The following SFXN1 variants were observed in gnomAD, a reference collection of about 807,000 sequenced individuals.
The protein encoded by SFXN1 is sideroflexin 1, also known as sideroflexin-1.
In SFXN1, 32 loss-of-function variants were observed where a neutral mutation model predicts 39.5. The observed-to-expected ratio is 0.81, with a 90% CI of 0.61 to 1.09. SFXN1 has a LOEUF of 1.09. Ranked by LOEUF, SFXN1 falls within the 50% of genes least tolerant of loss-of-function variation. The probability of loss-of-function intolerance (pLI) is 0.00; values close to 1 mark genes in which losing one functional copy is unlikely to be tolerated. For missense variants in SFXN1, 402 were observed against 407.1 expected, an observed-to-expected ratio of 0.99 and a Z score of 0.11; for synonymous variants, 136 against 146.5, an observed-to-expected ratio of 0.93 and a Z score of 0.52.
intron 6 of SFXN1, 138 bp from the exon 7 acceptor site, chr5:175,513,313 AAAAAAAAAAAAC>A: frequency 1.3e-6 from 1 of 747,008 alleles, no homozygotes; most frequent in Admixed American, 3.3e-5. Flanking sequence ...AAAAAAAAAA[AAAAAAAAAAAAC>A]AGATGTGTCA....
intron 7 of SFXN1, among the ~76,000 whole-genome samples, chr5:175,514,006 A>G (rs1403563798): frequency 6.6e-6 from 1 of 152,102 alleles, no homozygotes; most frequent in Admixed American, 6.5e-5. Flanking sequence ...CGTGGATGGC[A>G]GCCCTGGCGT....
chr5:175,478,926 CGCCGCGTCCCCGCGCGCCTG>C (rs959350306), intron 1 of SFXN1, among the ~76,000 whole-genome samples: 4 of 152,140 alleles, frequency 2.6e-5, no homozygotes, highest in African/African-American at 9.7e-5. Flanking sequence ...AAGGGCCCTC[CGCCGCGTCCCCGCGCGCCTG>C]GCCGCGCTGT....
chr5:175,486,979 A>G (rs188376250), intron 1 of SFXN1, among the ~76,000 whole-genome samples: 1 of 152,354 alleles, frequency 6.6e-6, no homozygotes, highest in Admixed American at 6.5e-5. Flanking sequence ...TGAGAATTAT[A>G]GTTAAAAGGG....
chr5:175,524,642 TAAACATCA>T (rs1761005893), intron 10 of SFXN1, among the ~76,000 whole-genome samples: 2 of 143,210 alleles, frequency 1.4e-5, no homozygotes, highest in Non-Finnish European at 3.1e-5. Context: ...CACAAAAGAA[TAAACATCA>T]GAAAAGAAGG....
intron 2 of SFXN1, among the ~76,000 whole-genome samples, chr5:175,505,600 T>A (rs1760263551): frequency 1.3e-5 from 2 of 150,970 alleles, no homozygotes; most frequent in Admixed American, 6.6e-5. Context: ...GAGAATAAAT[T>A]AGTATAAGGC....
At chr5:175,502,337 T>TG (rs1408665796) in intron 2 of SFXN1, among the ~76,000 whole-genome samples, 1 of 152,046 alleles carries the variant, frequency 6.6e-6, no homozygotes, top group Non-Finnish European at 1.5e-5. Flanking sequence ...AAGGGGGTCT[T>TG]GGGGGGTGTT....
chr5:175,511,606 T>C, intron 5 of SFXN1, 80 bp downstream of exon 5: 1 of 1,122,722 alleles, frequency 8.9e-7, no homozygotes, highest in South Asian at 1.3e-5. Context: ...TATTATTTCT[T>C]AAACTAGTTC....
chr5:175,497,963 TGTA>T (rs1393379639), intron 2 of SFXN1, among the ~76,000 whole-genome samples: 1 of 149,666 alleles, frequency 6.7e-6, no homozygotes, highest in African/African-American at 2.4e-5. Flanking sequence ...AAACCACAAT[TGTA>T]GTAGGAAATT....
intron 10 of SFXN1, among the ~76,000 whole-genome samples, chr5:175,526,419 A>G (rs1018635975): frequency 6.6e-6 from 1 of 152,142 alleles, no homozygotes; most frequent in Non-Finnish European, 1.5e-5. Context: ...TGAGAGGGAA[A>G]AGTTGGGTGT....
chr5:175,484,896 ATGTT>A (rs1759393164), intron 1 of SFXN1, among the ~76,000 whole-genome samples: 1 of 152,124 alleles, frequency 6.6e-6, no homozygotes, highest in Non-Finnish European at 1.5e-5. Context: ...ATAAGTTTTG[ATGTT>A]TGTTTGTTTT....
rs1400571125 is a variant in SFXN1 at position 175,526,832 on chromosome 5, C to T, written c.*98C>T. On this transcript the variant is annotated 3_prime_UTR_variant, in exon 11 of 11. Coordinates refer to ENST00000321442, the MANE Select transcript of SFXN1 (RefSeq NM_022754.7). Reference sequence around the variant, plus strand: ...TGTTCAACCTGGGTTCTCCCAGTTACGGAAACCTTTTAAAGATCCACATTA... The same window carrying T: ...TGTTCAACCTGGGTTCTCCCAGTTATGGAAACCTTTTAAAGATCCACATTA... 4.1e-6 allele frequency: 4 copies of T among 985,012 alleles called. No homozygotes were observed. Among genetic ancestry groups the T allele is most frequent in the East Asian group, 2.4e-5 (1 of 41,812 alleles). The allele number at this position is 985,012 out of a possible 1,614,324, so 61.0% of individuals were successfully genotyped here. A position where few individuals can be genotyped will look rare whatever the true frequency, so the allele number is the denominator to read the frequency against.
In SFXN1 at chr5:175,529,436, A is replaced by G. The variant is rs1292601237; in HGVS notation, c.*2702A>G. 2.6e-5 allele frequency: 4 copies of G among 151,996 alleles called. No individual in the cohort carries two copies. Among genetic ancestry groups the G allele is most frequent in the African/African-American group, 7.3e-5 (3 of 41,304 alleles). 9.4% of individuals were successfully genotyped at this position (151,996 alleles called of 1,614,324 possible). A position where few individuals can be genotyped will look rare whatever the true frequency, so the allele number is the denominator to read the frequency against. Reference sequence around the variant, plus strand: ...TGCTTCAGACTCTTAATGCTTTTATATAAAGCTATCAACTGTATGTTGATC... The same window carrying G: ...TGCTTCAGACTCTTAATGCTTTTATGTAAAGCTATCAACTGTATGTTGATC... On this transcript the variant is annotated 3_prime_UTR_variant, in exon 11 of 11. Transcript: ENST00000321442.
intron 2 of SFXN1, among the ~76,000 whole-genome samples, chr5:175,505,300 C>T (rs1028187545): frequency 2.0e-5 from 3 of 151,468 alleles, no homozygotes; most frequent in Non-Finnish European, 4.4e-5. Context: ...TTTGGGAGGC[C>T]GAGGCAGGGG....
At chr5:175,480,770 G>A (rs536126831) in intron 1 of SFXN1, among the ~76,000 whole-genome samples, 1 of 152,330 alleles carries the variant, frequency 6.6e-6, no homozygotes, top group East Asian at 1.9e-4. Flanking sequence ...TTGTTGTTCT[G>A]GAAGACTTAC....
chr5:175,485,437 A>G (rs1275061807), intron 1 of SFXN1, among the ~76,000 whole-genome samples: 3 of 151,840 alleles, frequency 2.0e-5, no homozygotes, highest in African/African-American at 4.8e-5. Context: ...CATCACTCCA[A>G]CCTCTGCTTG....
intron 2 of SFXN1, among the ~76,000 whole-genome samples, chr5:175,504,335 G>A (rs1028116439): frequency 1.3e-5 from 2 of 152,090 alleles, no homozygotes; most frequent in Non-Finnish European, 2.9e-5. Flanking sequence ...AGCACTTTGG[G>A]AGGCCAGGGC....
intron 2 of SFXN1, among the ~76,000 whole-genome samples, chr5:175,496,503 G>C (rs1231642221): frequency 2.0e-5 from 3 of 152,110 alleles, no homozygotes; most frequent in African/African-American, 7.2e-5. Context: ...ACATGATTTT[G>C]CTCCTTACTA....
chr5:175,497,326 G>T (rs1433222857), intron 2 of SFXN1, among the ~76,000 whole-genome samples: 1 of 152,210 alleles, frequency 6.6e-6, no homozygotes, highest in Non-Finnish European at 1.5e-5. Flanking sequence ...GGGCTAGTTA[G>T]GGTTGAAGAG....
chr5:175,514,452 A>G (rs1057261011), intron 7 of SFXN1, among the ~76,000 whole-genome samples: 59 of 152,320 alleles, frequency 3.9e-4, no homozygotes, highest in African/African-American at 1.3e-3. Context: ...GAAAGTTCTC[A>G]GACTGAGAAA....
Sources: allele counts gnomAD v4.1 joint callset (sites outside exome capture counted in the v4.1 genomes callset), GRCh38; gene constraint gnomAD v4.1.1; transcripts MANE v1.5; gene names NCBI Gene and HGNC (gene_info 2026-07-23, HGNC 2026-07-21).